Variants in NLRP1 observed in about 807,000 individuals in gnomAD.
NLRP1 encodes the protein NLR family pyrin domain containing 1.
In NLRP1, 94 loss-of-function variants were observed where a neutral mutation model predicts 136.7. The ratio of observed to expected loss-of-function variants is 0.69; its 90% CI spans 0.58 to 0.82. The LOEUF is 0.82. Ranked by LOEUF, NLRP1 falls within the 40% of genes least tolerant of loss-of-function variation. NLRP1 has a pLI of 0.00. For synonymous variants in NLRP1, 690 were observed against 725.1 expected, an observed-to-expected ratio of 0.95 and a Z score of 0.78; for missense variants, 1,575 against 1,802.7, an observed-to-expected ratio of 0.87 and a Z score of 2.29.
chr17:5,538,096 C>T (rs763324139), intron 7 of NLRP1, among the ~76,000 whole-genome samples: 14 of 152,182 alleles, frequency 9.2e-5, no homozygotes, highest in South Asian at 4.1e-4. Context: ...CCAGGCTTCC[C>T]GGACCCCCTC....
intron 10 of NLRP1, 106 bp from the exon 11 acceptor site, chr17:5,533,090 C>T: frequency 6.9e-7 from 1 of 1,442,296 alleles, no homozygotes; most frequent in Non-Finnish European, 9.3e-7. Flanking sequence ...CTGCCTGGAC[C>T]ATGGCAGGGA....
At chr17:5,558,100 G>A (rs1914291186) in intron 4 of NLRP1, among the ~76,000 whole-genome samples, 2 of 152,122 alleles carry the variant, frequency 1.3e-5, no homozygotes, top group Non-Finnish European at 2.9e-5. Flanking sequence ...GGCAGACACG[G>A]CAGGGCCCAG....
In NLRP1 at chr17:5,558,513, T is replaced by A. The variant is rs1383796387; in HGVS notation, c.2183A>T (p.Lys728Ile). 6.2e-7 allele frequency: 1 copy of A among 1,613,928 alleles called. No homozygotes were observed. The highest frequency in any genetic ancestry group is 8.5e-7 in the Non-Finnish European group (1 of 1,180,014). ...SLHCLYETRN[K>I]TFLTQVMAHF... ...GGCCATCACTTGTGTCAGGAACGTT[T>A]TGTTCCGAGTCTCGTACAAGCAGTG... Residue 728 changes from lysine (K) to isoleucine (I), a missense_variant, in exon 4 of 17, where the codon AAA (lysine) becomes ATA (isoleucine). Transcript: ENST00000572272.
chr17:5,574,962 C>A (rs1904862034), intron 3 of NLRP1, among the ~76,000 whole-genome samples: 1 of 152,056 alleles, frequency 6.6e-6, no homozygotes, highest in African/African-American at 2.4e-5. Context: ...CCACGCCTGG[C>A]AATATTCAAC....
chr17:5,553,982 C>T (rs887716148), intron 4 of NLRP1, among the ~76,000 whole-genome samples: 9 of 152,078 alleles, frequency 5.9e-5, no homozygotes, highest in African/African-American at 2.2e-4. Flanking sequence ...ATTTGACAGC[C>T]TTCCTCCCTT....
At chr17:5,568,083 A>G (rs1374175554) in intron 3 of NLRP1, among the ~76,000 whole-genome samples, 1 of 152,058 alleles carries the variant, frequency 6.6e-6, no homozygotes, top group African/African-American at 2.4e-5. Flanking sequence ...ACCTTCTTGT[A>G]CTTGGATATC....
chr17:5,533,224 C>T (rs956223481), intron 10 of NLRP1, 80 bp downstream of exon 10: 85 of 1,544,862 alleles, frequency 5.5e-5, no homozygotes, highest in Admixed American at 7.9e-5. Flanking sequence ...AAGTGCCACT[C>T]TCCCCAGCAT....
intron 8 of NLRP1, among the ~76,000 whole-genome samples, chr17:5,535,040 TA>T (rs2151762847): frequency 6.6e-6 from 1 of 152,138 alleles, no homozygotes; most frequent in East Asian, 1.9e-4. Context: ...GCCAACATGG[TA>T]AAACCCCGTC....
chr17:5,549,445 AT>A (rs1329874548), intron 5 of NLRP1, among the ~76,000 whole-genome samples: 1 of 151,610 alleles, frequency 6.6e-6, no homozygotes, highest in Admixed American at 6.6e-5. Flanking sequence ...CGCCCGGCTA[AT>A]ATTTTGTAGT....
chr17:5,553,202 A>C (rs556731566), intron 5 of NLRP1, among the ~76,000 whole-genome samples, 184 bp downstream of exon 5: 24 of 146,774 alleles, frequency 1.6e-4, no homozygotes, highest in African/African-American at 6.0e-4. Context: ...CACTTCATGA[A>C]GGAATTTTTT....
At chr17:5,509,249 AACCTGTGAGTAGC>A (rs1252714470), downstream of NLRP1, among the ~76,000 whole-genome samples, 2 of 152,174 alleles carry the variant, frequency 1.3e-5, no homozygotes, top group Non-Finnish European at 2.9e-5. Flanking sequence ...GCCTGGGGCT[AACCTGTGAGTAGC>A]ACTCAATGGG....
At chr17:5,530,804 G>C (rs1158413675) in intron 11 of NLRP1, 100 bp from the exon 12 acceptor site, 3 of 848,046 alleles carry the variant, frequency 3.5e-6, no homozygotes, top group Non-Finnish European at 5.7e-6. Flanking sequence ...CGGTACAGTG[G>C]CTTCAAGCCC....
intron 12 of NLRP1, among the ~76,000 whole-genome samples, chr17:5,526,388 G>A (rs1270953478): frequency 6.6e-6 from 1 of 152,142 alleles, no homozygotes; most frequent in Admixed American, 6.5e-5. Flanking sequence ...GAGGCCTGAG[G>A]GATACCACTG....
chr17:5,544,371 A>C (rs1912280794), intron 5 of NLRP1, among the ~76,000 whole-genome samples: 1 of 152,222 alleles, frequency 6.6e-6, no homozygotes, highest in Admixed American at 6.5e-5. Context: ...TACCTAATGC[A>C]TCCTGGCAAT....
chr17:5,555,020 C>CACACAA (rs1440874480), intron 4 of NLRP1, among the ~76,000 whole-genome samples: 1,122 of 24,488 alleles, frequency 0.046, 14 homozygotes, highest in African/African-American at 0.089. Context: ...GATCCCATCA[C>CACACAA]ACACACACAC....
At chr17:5,577,863 T>C (rs1324069166) in intron 3 of NLRP1, among the ~76,000 whole-genome samples, 2 of 152,196 alleles carry the variant, frequency 1.3e-5, no homozygotes, top group Non-Finnish European at 1.5e-5. Context: ...CAAACTATAC[T>C]ACAAGGCTAC....
Position 5,532,781 on chromosome 17 carries a change from G to A in NLRP1, c.3296+41C>T, listed in dbSNP as rs886890653. On this transcript the variant is annotated intron_variant, in intron 11 of 16. Transcript: ENST00000572272. ...GGGGACCCAGGATGGGCAGTGGGGT[G>A]CGGGAGGCCAGCCTGGGACCAGCAG... 35 of 1,539,556 alleles carry A rather than the reference G, an allele frequency of 2.3e-5. No individual in the cohort carries two copies. In the Middle Eastern group the frequency reaches 5.3e-3, roughly 232 times the overall value.
rs1346227688 is a variant in NLRP1 at position 5,520,991 on chromosome 17, T to G, written c.3805A>C (p.Lys1269Gln). 6 of 1,611,060 alleles carry G rather than the reference T, an allele frequency of 3.7e-6. No homozygotes were observed. The highest frequency in any genetic ancestry group is 3.4e-6 in the Non-Finnish European group (4 of 1,178,440). Residue 1269 changes from lysine (K) to glutamine (Q), a missense_variant, in exon 14 of 17, where the codon AAA becomes CAA. Coordinates refer to ENST00000572272, the MANE Select transcript of NLRP1 (RefSeq NM_033004.4). ...TTGTGGATTCGCACAAACTGGAATT[T>G]CATTTCTAGATCATCTATGGCCTAC... is the stretch of plus-strand genomic sequence containing the variant. ...IRKAIDDLEM[K>Q]FQFVRIHKPP...
chr17:5,539,491 TCTG>T lies in NLRP1; in HGVS notation c.2791_2793del (p.Gln931del). ...CGCACGCCAACGTCATCCAGGTTGT[TCTG>T]CTGCAGGTCTAGCTCCTTCAGGCTG... On this transcript the variant is annotated inframe_deletion, in exon 7 of 17. Transcript: ENST00000572272. 1.2e-6 allele frequency: 2 copies of T among 1,614,190 alleles called. No individual in the cohort carries two copies.
Sources: gnomAD v4.1 joint callset for allele counts (sites outside exome capture counted in the v4.1 genomes callset) on GRCh38, gnomAD v4.1.1 for gene constraint, MANE v1.5 for transcripts, NCBI Gene and HGNC (gene_info 2026-07-23, HGNC 2026-07-21) for gene names.